The following CDYL variants were observed in gnomAD, a reference collection of about 807,000 sequenced individuals.
CDYL encodes chromodomain Y-like protein.
In CDYL, 8 loss-of-function variants were observed where a neutral mutation model predicts 47.3. The observed-to-expected ratio is 0.17, with a 90% CI of 0.10 to 0.31. The LOEUF (loss-of-function observed/expected upper bound fraction) is 0.31. Among genes scored for constraint, CDYL ranks in the 10% least tolerant of loss-of-function variants. CDYL has a pLI of 1.00. For missense variants in CDYL, 471 were observed against 701.4 expected (o/e 0.67, Z 3.71); for synonymous variants, 266 against 265.0 (o/e 1.00, Z -0.04).
chr6:4,840,860 GTTTGTTTTTTGT>G (rs1285555626), intron 1 of CDYL, among the ~76,000 whole-genome samples: 1 of 151,660 alleles, frequency 6.6e-6, no homozygotes, highest in South Asian at 2.1e-4. Context: ...TTATGTTTTT[GTTTGTTTTTTGT>G]TTTGTTTTTT....
At chr6:4,760,488 C>T (rs1019366077) in intron 3 of CDYL, among the ~76,000 whole-genome samples, 5 of 151,872 alleles carry the variant, frequency 3.3e-5, no homozygotes, top group Non-Finnish European at 7.4e-5. Context: ...ATGCTAAAGA[C>T]ACTGGTTCAT....
At chr6:4,902,200 A>T (rs1446440738) in intron 2 of CDYL, among the ~76,000 whole-genome samples, 1 of 151,890 alleles carries the variant, frequency 6.6e-6, no homozygotes, top group Non-Finnish European at 1.5e-5. Context: ...GGAGTTCGAG[A>T]CCGGCCTAAC....
chr6:4,778,290 A>G (rs1758523331), intron 1 of CDYL, among the ~76,000 whole-genome samples: 1 of 152,156 alleles, frequency 6.6e-6, no homozygotes, highest in South Asian at 2.1e-4. Flanking sequence ...ATTTGCTTTT[A>G]TGAGTATGAT....
intron 1 of CDYL, among the ~76,000 whole-genome samples, chr6:4,832,371 A>G (rs887538466): frequency 2.0e-5 from 3 of 151,300 alleles, no homozygotes; most frequent in Non-Finnish European, 4.4e-5. Flanking sequence ...TATATGCTGG[A>G]TTACATTTAT....
chr6:4,846,144 T>C (rs536436872), intron 1 of CDYL, among the ~76,000 whole-genome samples: 1 of 152,002 alleles, frequency 6.6e-6, no homozygotes, highest in South Asian at 2.1e-4. Flanking sequence ...AATTCTGCGA[T>C]TGCACCTAAG....
At chr6:4,751,011 C>T (rs1757980497) in intron 3 of CDYL, among the ~76,000 whole-genome samples, 1 of 151,954 alleles carries the variant, frequency 6.6e-6, no homozygotes, top group Non-Finnish European at 1.5e-5. Flanking sequence ...CGCCACCACG[C>T]CCGGCTAATT....
At chr6:4,723,775 G>A (rs1293483232) in intron 2 of CDYL, among the ~76,000 whole-genome samples, 2 of 152,148 alleles carry the variant, frequency 1.3e-5, no homozygotes, top group Non-Finnish European at 2.9e-5. Context: ...CCCTGCTCTT[G>A]GCAACTTAAA....
At chr6:4,826,345 C>T (rs932490155) in intron 1 of CDYL, among the ~76,000 whole-genome samples, 1 of 152,196 alleles carries the variant, frequency 6.6e-6, no homozygotes, top group South Asian at 2.1e-4. Flanking sequence ...CTTCTATTCT[C>T]TATGTATCTT....
chr6:4,758,810 A>C (rs572249393), intron 3 of CDYL, among the ~76,000 whole-genome samples: 1 of 152,114 alleles, frequency 6.6e-6, no homozygotes, highest in Non-Finnish European at 1.5e-5. Context: ...GGTTGAAACT[A>C]TACTACATAT....
intron 1 of CDYL, among the ~76,000 whole-genome samples, chr6:4,851,502 CTT>C (rs1406123984): frequency 6.6e-6 from 1 of 152,110 alleles, no homozygotes; most frequent in Admixed American, 6.6e-5. Context: ...CAGCTCCTCT[CTT>C]GTGGGTGTAG....
intron 3 of CDYL, among the ~76,000 whole-genome samples, chr6:4,741,838 T>C (rs1231834086): frequency 1.3e-5 from 2 of 152,180 alleles, no homozygotes; most frequent in African/African-American, 4.8e-5. Flanking sequence ...CTCTGGCAGA[T>C]ATACTCATGA....
chr6:4,716,583 G>A (rs1415587782), intron 2 of CDYL, among the ~76,000 whole-genome samples: 3 of 147,402 alleles, frequency 2.0e-5, no homozygotes, highest in African/African-American at 5.2e-5. Flanking sequence ...CGTCAGAGAA[G>A]GCAGCAATAA....
At chr6:4,895,422 C>T (rs80151364) in intron 2 of CDYL, among the ~76,000 whole-genome samples, 2,502 of 4,868 alleles carry the variant, frequency 0.51, 1,134 homozygotes, top group Admixed American at 0.74. Flanking sequence ...CGTATATATG[C>T]ATGTATACAT....
At chr6:4,829,576 A>G (rs751201223) in intron 1 of CDYL, among the ~76,000 whole-genome samples, 12 of 152,076 alleles carry the variant, frequency 7.9e-5, no homozygotes, top group Admixed American at 2.0e-4. Flanking sequence ...CCTTACACCC[A>G]CATGCTTTAG....
At chr6:4,937,466 A>G in intron 3 of CDYL, 99 bp from the exon 4 acceptor site, 2 of 958,186 alleles carry the variant, frequency 2.1e-6, no homozygotes, top group Non-Finnish European at 2.9e-6. Context: ...ACTGCACGCC[A>G]ACCTGAGCAA....
At chr6:4,939,173 A>T (rs1244039650) in intron 4 of CDYL, among the ~76,000 whole-genome samples, 3 of 152,224 alleles carry the variant, frequency 2.0e-5, no homozygotes, top group Non-Finnish European at 4.4e-5. Flanking sequence ...CTGAAGTTGA[A>T]CTACTTTTGA....
chr6:4,825,424 T>G (rs890209072), intron 1 of CDYL, among the ~76,000 whole-genome samples: 1 of 152,230 alleles, frequency 6.6e-6, no homozygotes, highest in African/African-American at 2.4e-5. Context: ...GTCTAATTAC[T>G]CTGGCTATAA....
chr6:4,818,309 G>T (rs112040361), intron 1 of CDYL, among the ~76,000 whole-genome samples: 1 of 152,040 alleles, frequency 6.6e-6, no homozygotes, highest in Non-Finnish European at 1.5e-5. Context: ...AAGAAAAGGA[G>T]TGTGGGCAAT....
At chr6:4,724,093 T>A (rs902804585) in intron 2 of CDYL, among the ~76,000 whole-genome samples, 2 of 152,200 alleles carry the variant, frequency 1.3e-5, no homozygotes, top group Admixed American at 1.3e-4. Context: ...GGCTCTGGAG[T>A]GCAGGGGCAT....
Sources: allele counts gnomAD v4.1 joint callset (sites outside exome capture counted in the v4.1 genomes callset), GRCh38; gene constraint gnomAD v4.1.1; transcripts MANE v1.5; gene names NCBI Gene and HGNC (gene_info 2026-07-23, HGNC 2026-07-21).